KIRREL1: variants seen among roughly 807,000 people sequenced by gnomAD.
KIRREL1 encodes kirre like nephrin family adhesion molecule 1, also known as kin of IRRE-like protein 1.
A neutral mutation model predicts 83.3 loss-of-function variants in KIRREL1; 25 were observed. The observed-to-expected ratio is 0.30, with a 90% CI of 0.22 to 0.42. The LOEUF is 0.42. Ranked by LOEUF, KIRREL1 falls within the 10% of genes least tolerant of loss-of-function variation. KIRREL1 has a pLI of 1.00. For synonymous variants in KIRREL1, 388 were observed against 410.4 expected, an observed-to-expected ratio of 0.95 and a Z score of 0.66; for missense variants, 812 against 1,032.3, an observed-to-expected ratio of 0.79 and a Z score of 2.92.
chr1:158,074,145 A>G (rs1394186536), intron 1 of KIRREL1, among the ~76,000 whole-genome samples: 1 of 152,158 alleles, frequency 6.6e-6, no homozygotes, highest in African/African-American at 2.4e-5. Flanking sequence ...GGATCTCAGC[A>G]CCTGCCACCC....
chr1:158,072,812 G>C (rs1055247057), intron 1 of KIRREL1, among the ~76,000 whole-genome samples: 1 of 152,074 alleles, frequency 6.6e-6, no homozygotes, highest in Non-Finnish European at 1.5e-5. Context: ...GGAGAGCAGA[G>C]GAGAAAGCCT....
intron 4 of KIRREL1, 47 bp downstream of exon 4, chr1:158,084,626 T>G: frequency 6.5e-7 from 1 of 1,534,748 alleles, no homozygotes; most frequent in Non-Finnish European, 8.8e-7. Context: ...CTAGCCCAGC[T>G]CACCTCTCCT....
intron 1 of KIRREL1, among the ~76,000 whole-genome samples, chr1:157,995,331 A>G (rs941594559): frequency 5.3e-5 from 8 of 152,158 alleles, no homozygotes; most frequent in African/African-American, 1.9e-4. Context: ...GGTGTGAGCC[A>G]GGAGTGGGAG....
At chr1:158,014,655 A>T (rs866373811) in intron 1 of KIRREL1, among the ~76,000 whole-genome samples, 2 of 112,536 alleles carry the variant, frequency 1.8e-5, no homozygotes, top group Non-Finnish European at 3.3e-5. Flanking sequence ...TCTCTCCTTC[A>T]CTATTAAGAG....
In KIRREL1 at chr1:158,067,881, G is replaced by A. The variant is rs912908759; in HGVS notation, c.53-8232G>A. Among the ~76,000 whole-genome samples, 28 of 152,254 alleles carry A rather than the reference G, an allele frequency of 1.8e-4. No homozygotes were observed. In the East Asian group the frequency reaches 3.9e-3, roughly 21 times the overall value. ...GCCAGCCGCTGCAGCTGGCCTCTGT[G>A]GTCTGCTCAGATGCAAGGAAACCAG... On this transcript the variant is annotated intron_variant, in intron 1 of 14. Transcript: ENST00000359209.
chr1:158,098,798 T>A lies in KIRREL1; in HGVS notation c.*3678T>A, dbSNP rs1489977957. On this transcript the variant is annotated 3_prime_UTR_variant, in exon 15 of 15. Coordinates refer to ENST00000359209, the MANE Select transcript of KIRREL1 (RefSeq NM_018240.7). Reference sequence around the variant, plus strand: ...AGCACCCTGTCTTCAAGCGGTACGCTCTCCCCTTATTCCAGCAGGGCTACT... The same window carrying A: ...AGCACCCTGTCTTCAAGCGGTACGCACTCCCCTTATTCCAGCAGGGCTACT... 2.0e-5 allele frequency: 3 copies of A among 152,206 alleles called. No individual in the cohort carries two copies. Among genetic ancestry groups the A allele is most frequent in the Admixed American group, 2.0e-4 (3 of 15,286 alleles). The allele number at this position is 152,206 out of a possible 1,614,324, so 9.4% of individuals were successfully genotyped here. A position where few individuals can be genotyped will look rare whatever the true frequency, so the allele number is the denominator to read the frequency against.
At chr1:158,061,115 A>G (rs971021632) in intron 1 of KIRREL1, among the ~76,000 whole-genome samples, 1 of 149,036 alleles carries the variant, frequency 6.7e-6, no homozygotes, top group African/African-American at 2.5e-5. Flanking sequence ...CCCCCCATCC[A>G]TCCATCCATC....
At chr1:158,014,326 A>G (rs998520425) in intron 1 of KIRREL1, among the ~76,000 whole-genome samples, 4 of 152,180 alleles carry the variant, frequency 2.6e-5, no homozygotes, top group Non-Finnish European at 4.4e-5. Flanking sequence ...AAAGAAAAGA[A>G]GATAGAGAGC....
chr1:158,019,050 C>T (rs1050985964), intron 1 of KIRREL1, among the ~76,000 whole-genome samples: 1 of 152,154 alleles, frequency 6.6e-6, no homozygotes, highest in Non-Finnish European at 1.5e-5. Context: ...AATAGAGGTC[C>T]AGAGCCTCCA....
chr1:158,031,131 A>G (rs1457084222), intron 1 of KIRREL1: 2 of 152,182 alleles, frequency 1.3e-5, no homozygotes, highest in Non-Finnish European at 2.9e-5. Flanking sequence ...GAACAGGGAT[A>G]TTACACAAAT....
At chr1:158,048,275 A>G (rs1171345569) in intron 1 of KIRREL1, among the ~76,000 whole-genome samples, 1 of 152,202 alleles carries the variant, frequency 6.6e-6, no homozygotes, top group African/African-American at 2.4e-5. Context: ...CAGGCTTACT[A>G]CCTATGAAGA....
intron 10 of KIRREL1, 43 bp downstream of exon 10, chr1:158,089,861 T>G (rs1353860144): frequency 6.4e-7 from 1 of 1,564,034 alleles, no homozygotes; most frequent in African/African-American, 1.4e-5. Context: ...CCTCCCTGCT[T>G]CTTTGCCCAG....
intron 1 of KIRREL1, among the ~76,000 whole-genome samples, chr1:158,028,909 ACTGT>A (rs1660243603): frequency 6.6e-6 from 1 of 152,184 alleles, no homozygotes; most frequent in African/African-American, 2.4e-5. Flanking sequence ...ACTGCACAAC[ACTGT>A]CTGGTGAAAA....
chr1:158,059,987 A>C (rs1661168103), intron 1 of KIRREL1, among the ~76,000 whole-genome samples: 2 of 152,064 alleles, frequency 1.3e-5, no homozygotes, highest in African/African-American at 4.8e-5. Flanking sequence ...ATTATATGTA[A>C]ACATACAGGT....
Position 158,095,455 on chromosome 1 carries a change from C to A in KIRREL1, c.*335C>A, listed in dbSNP as rs182057331. On this transcript the variant is annotated 3_prime_UTR_variant, in exon 15 of 15. Coordinates refer to ENST00000359209, the MANE Select transcript of KIRREL1 (RefSeq NM_018240.7). ...TTTAGCATTCCCTTTCTATCCCACC[C>A]CTCTGATCTCCCATAAGTGGAAATG... 5.8e-3 allele frequency: 1,342 copies of A among 232,748 alleles called. 9 individuals are homozygous for A. Among genetic ancestry groups the A allele is most frequent in the Non-Finnish European group, 8.9e-3 (1,068 of 120,576 alleles). 14.4% of individuals were successfully genotyped at this position (232,748 alleles called of 1,614,324 possible). A position where few individuals can be genotyped will look rare whatever the true frequency, so the allele number is the denominator to read the frequency against.
chr1:157,999,212 A>G (rs1386427311), intron 1 of KIRREL1, among the ~76,000 whole-genome samples: 2 of 152,182 alleles, frequency 1.3e-5, no homozygotes, highest in Non-Finnish European at 2.9e-5. Context: ...TTTGATGATC[A>G]TTTGTGAAGC....
chr1:158,027,364 A>T (rs1301665523), intron 1 of KIRREL1, among the ~76,000 whole-genome samples: 1 of 152,186 alleles, frequency 6.6e-6, no homozygotes, highest in African/African-American at 2.4e-5. Context: ...TACCTGGAAG[A>T]TCTCGGAATC....
intron 2 of KIRREL1, 58 bp from the exon 3 acceptor site, chr1:158,077,933 G>C (rs893675122): frequency 1.3e-6 from 2 of 1,593,410 alleles, no homozygotes; most frequent in African/African-American, 1.3e-5. Flanking sequence ...ACTGGTGTGG[G>C]ATGGCTGAGG....
intron 1 of KIRREL1, among the ~76,000 whole-genome samples, chr1:158,073,003 T>G (rs867604779): frequency 3.3e-5 from 5 of 152,192 alleles, no homozygotes; most frequent in Middle Eastern, 6.8e-3. Context: ...TGGGTACAGA[T>G]CAGAGAGAAC....
Sources: allele counts gnomAD v4.1 joint callset (sites outside exome capture counted in the v4.1 genomes callset), GRCh38; gene constraint gnomAD v4.1.1; transcripts MANE v1.5; gene names NCBI Gene and HGNC (gene_info 2026-07-23, HGNC 2026-07-21).